The following MDGA2 variants were observed in gnomAD, a reference collection of about 807,000 sequenced individuals.
The protein encoded by MDGA2 is MAM domain-containing glycosylphosphatidylinositol anchor protein 2.
MDGA2 carries 40 observed loss-of-function variants against 117.8 expected under a neutral mutation model. The ratio of observed to expected loss-of-function variants is 0.34; its 90% CI spans 0.26 to 0.44. MDGA2 has a LOEUF of 0.44. Ranked by LOEUF, MDGA2 falls within the 20% of genes least tolerant of loss-of-function variation. MDGA2 has a pLI of 1.00. For missense variants in MDGA2, 1,123 were observed against 1,250.6 expected, an observed-to-expected ratio of 0.90 and a Z score of 1.54; for synonymous variants, 452 against 439.0, an observed-to-expected ratio of 1.03 and a Z score of -0.37.
intron 8 of MDGA2, among the ~76,000 whole-genome samples, chr14:47,013,486 T>C (rs1887966671): frequency 6.6e-6 from 1 of 152,026 alleles, no homozygotes; most frequent in East Asian, 2.0e-4. Flanking sequence ...CTTGAATCCC[T>C]CCTCCATAAG....
rs531778591 is a variant in MDGA2 at position 47,408,148 on chromosome 14, C to T, written c.281-106598G>A. Among the ~76,000 whole-genome samples the T allele has an allele frequency of 9.0e-4, 134 of 149,018 alleles. 1 individual carries two copies. The highest frequency in any genetic ancestry group is 3.5e-3 in the Middle Eastern group (1 of 282). ...TTGGCTCAGTGCAACCTCCACATCC[C>T]GGGTTCAAGCAATTCTCCTGCCTCA... On this transcript the variant is annotated intron_variant, in intron 1 of 16. Coordinates refer to ENST00000399232, the MANE Select transcript of MDGA2 (RefSeq NM_001113498.3).
intron 3 of MDGA2, among the ~76,000 whole-genome samples, chr14:47,155,245 T>C (rs955657468): frequency 1.3e-5 from 2 of 152,092 alleles, no homozygotes; most frequent in Admixed American, 1.3e-4. Flanking sequence ...TTGTACCTCA[T>C]GCTCACTGGA....
In MDGA2 at chr14:47,174,207, T is replaced by C. The variant is rs545506965; in HGVS notation, c.596-29933A>G. Reference sequence around the variant, plus strand: ...CCCACACAATAATAATGGGAGACTTTAACACCCCATTGTCAACATTAGACA... The same window carrying C: ...CCCACACAATAATAATGGGAGACTTCAACACCCCATTGTCAACATTAGACA... On this transcript the variant is annotated intron_variant, in intron 3 of 16. Coordinates refer to ENST00000399232, the MANE Select transcript of MDGA2 (RefSeq NM_001113498.3). 2.7e-3 allele frequency among the ~76,000 whole-genome samples: 417 copies of C among 152,204 alleles called. 6 individuals carry two copies. Among genetic ancestry groups the C allele is most frequent in the African/African-American group, 9.3e-3 (385 of 41,504 alleles).
chr14:47,046,830 C>T (rs530015620), intron 7 of MDGA2, among the ~76,000 whole-genome samples: 178 of 152,130 alleles, frequency 1.2e-3, no homozygotes, highest in Middle Eastern at 3.4e-3. Flanking sequence ...AATATATTTG[C>T]ATCCTTGCCT....
chr14:47,482,592 G>T (rs185482794), intron 1 of MDGA2, among the ~76,000 whole-genome samples: 1 of 152,104 alleles, frequency 6.6e-6, no homozygotes, highest in African/African-American at 2.4e-5. Flanking sequence ...AAATTGAATT[G>T]AATCTAAATT....
chr14:47,647,625 C>T (rs1039502920), intron 1 of MDGA2, among the ~76,000 whole-genome samples: 4 of 152,100 alleles, frequency 2.6e-5, no homozygotes, highest in Non-Finnish European at 4.4e-5. Context: ...CATGTTGATA[C>T]TTAACTTATT....
In MDGA2 at chr14:47,227,130, T is replaced by C. The variant is rs529865810; in HGVS notation, c.421-8935A>G. On this transcript the variant is annotated intron_variant, in intron 2 of 16. Transcript: ENST00000399232. ...ATGTTGTAGGAGATAATAGGTGTTCTGTCTGATTCCCTTAGAGCCCTTTAC... is the reference window on the plus strand; with the variant it reads ...ATGTTGTAGGAGATAATAGGTGTTCCGTCTGATTCCCTTAGAGCCCTTTAC... Among the ~76,000 whole-genome samples the C allele has an allele frequency of 9.8e-5, 15 of 152,300 alleles. No individual in the cohort carries two copies. In the South Asian group the frequency reaches 2.1e-3, roughly 21 times the overall value.
intron 2 of MDGA2, among the ~76,000 whole-genome samples, chr14:47,246,802 AACACACACACAC>A (rs34773547): frequency 7.1e-6 from 1 of 141,760 alleles, no homozygotes; most frequent in East Asian, 2.1e-4. Flanking sequence ...CAGGTAATGA[AACACACACACAC>A]ACACACACAC....
In MDGA2 at chr14:46,936,574, C is replaced by G. The variant is rs191677206; in HGVS notation, c.2090-16414G>C. 3.4e-3 allele frequency among the ~76,000 whole-genome samples: 522 copies of G among 152,116 alleles called. 4 individuals are homozygous for G. The highest frequency in any genetic ancestry group is 0.012 in the African/African-American group (500 of 41,510). ...AGAAATTTAATTTATTTTTGTTCAT[C>G]TCTGTAATATCAGATACTGAAGGAC... On this transcript the variant is annotated intron_variant, in intron 9 of 16. Coordinates refer to ENST00000399232, the MANE Select transcript of MDGA2 (RefSeq NM_001113498.3).
At chr14:47,604,691 C>T (rs898861966) in intron 1 of MDGA2, among the ~76,000 whole-genome samples, 21 of 152,104 alleles carry the variant, frequency 1.4e-4, no homozygotes, top group African/African-American at 5.1e-4. Flanking sequence ...TTCTTTGCAG[C>T]CCCTTTTGTC....
chr14:46,903,586 G>C (rs551890794), intron 10 of MDGA2, among the ~76,000 whole-genome samples: 7 of 152,054 alleles, frequency 4.6e-5, no homozygotes, highest in South Asian at 2.1e-4. Flanking sequence ...CTTTACTATA[G>C]AGCCATTGCT....
At chr14:47,563,972 C>G (rs1594919878) in intron 1 of MDGA2, among the ~76,000 whole-genome samples, 1 of 152,126 alleles carries the variant, frequency 6.6e-6, no homozygotes, top group East Asian at 1.9e-4. Flanking sequence ...TCCTTTAGCA[C>G]TTGCTTGTCT....
chr14:47,668,814 C>T (rs1050106480), intron 1 of MDGA2, among the ~76,000 whole-genome samples: 1 of 152,212 alleles, frequency 6.6e-6, no homozygotes, highest in Non-Finnish European at 1.5e-5. Flanking sequence ...ACAGCACATT[C>T]CCTTAGTTAA....
chr14:46,948,125 T>C (rs1237066626), intron 9 of MDGA2, among the ~76,000 whole-genome samples: 6 of 151,980 alleles, frequency 3.9e-5, no homozygotes, highest in African/African-American at 7.3e-5. Context: ...TCTGCAATGC[T>C]CTTTTTTCTT....
intron 3 of MDGA2, among the ~76,000 whole-genome samples, chr14:47,217,140 T>A (rs1886120844): frequency 6.6e-6 from 1 of 151,726 alleles, no homozygotes; most frequent in Non-Finnish European, 1.5e-5. Context: ...CTAGGTAACA[T>A]CCTATCCTGC....
At chr14:47,636,665 G>C (rs1321685641) in intron 1 of MDGA2, among the ~76,000 whole-genome samples, 1 of 151,722 alleles carries the variant, frequency 6.6e-6, no homozygotes, top group Non-Finnish European at 1.5e-5. Context: ...GGCGCCTGTA[G>C]TCCCAGCTAC....
intron 1 of MDGA2, among the ~76,000 whole-genome samples, chr14:47,540,563 T>TATATATATATATATATACATACAC (rs370481455): frequency 1.8e-5 from 2 of 112,520 alleles, no homozygotes; most frequent in Admixed American, 1.1e-4. Context: ...TGTATATATA[T>TATATATATATATATATACATACAC]ACACACACAC....
At chr14:47,303,200 A>T (rs1889338577) in intron 1 of MDGA2, among the ~76,000 whole-genome samples, 1 of 152,180 alleles carries the variant, frequency 6.6e-6, no homozygotes, top group Non-Finnish European at 1.5e-5. Context: ...GCAATGACAG[A>T]GCTAGTTAGA....
At chr14:47,618,176 C>T (rs1202998891) in intron 1 of MDGA2, among the ~76,000 whole-genome samples, 1 of 152,162 alleles carries the variant, frequency 6.6e-6, no homozygotes, top group Non-Finnish European at 1.5e-5. Context: ...GCTTGAGATG[C>T]TGCTTCTAAT....
Sources: gnomAD v4.1 joint callset for allele counts (sites outside exome capture counted in the v4.1 genomes callset) on GRCh38, gnomAD v4.1.1 for gene constraint, MANE v1.5 for transcripts, NCBI Gene and HGNC (gene_info 2026-07-23, HGNC 2026-07-21) for gene names.